THRB: variants seen among roughly 807,000 people sequenced by gnomAD.
THRB encodes the protein nuclear receptor subfamily 1 group A member 2.
Under a neutral mutation model 47.8 loss-of-function variants are expected in THRB, and 12 were observed. That is an observed-to-expected ratio of 0.25 (90% CI 0.16 to 0.41). The LOEUF (loss-of-function observed/expected upper bound fraction) is 0.41, where lower values mean the gene tolerates loss of function less well. Among genes scored for constraint, THRB ranks in the 10% least tolerant of loss-of-function variants. The pLI is 1.00. For missense variants in THRB, 348 were observed against 589.2 expected (o/e 0.59, Z 4.24); for synonymous variants, 218 against 212.2 (o/e 1.03, Z -0.24).
At chr3:24,280,436 T>G (rs1379817977) in intron 3 of THRB, among the ~76,000 whole-genome samples, 1 of 152,078 alleles carries the variant, frequency 6.6e-6, no homozygotes, top group African/African-American at 2.4e-5. Context: ...AACCCATCTG[T>G]ACATCACCAT....
intron 1 of THRB, among the ~76,000 whole-genome samples, chr3:24,428,959 A>G (rs1358505953): frequency 1.3e-5 from 2 of 151,788 alleles, no homozygotes; most frequent in Non-Finnish European, 2.9e-5. Context: ...CTTCAGAAAT[A>G]ATGGGAAAAA....
chr3:24,284,719 TCAAA>T (rs1394751879), intron 3 of THRB, among the ~76,000 whole-genome samples: 1 of 149,062 alleles, frequency 6.7e-6, no homozygotes, highest in Non-Finnish European at 1.5e-5. Context: ...TACAATGAAC[TCAAA>T]CAGATTTACA....
At chr3:24,263,654 C>T (rs777876594) in intron 3 of THRB, among the ~76,000 whole-genome samples, 3 of 149,730 alleles carry the variant, frequency 2.0e-5, no homozygotes, top group African/African-American at 4.9e-5. Flanking sequence ...TCCATACCAG[C>T]ACCATGGCCT....
intron 2 of THRB, among the ~76,000 whole-genome samples, chr3:24,323,725 CATA>C (rs1357806725): frequency 6.6e-6 from 1 of 152,174 alleles, no homozygotes; most frequent in Non-Finnish European, 1.5e-5. Context: ...CTCCAGAAGT[CATA>C]ATACCAGTTG....
intron 4 of THRB, among the ~76,000 whole-genome samples, chr3:24,210,079 T>C (rs1398359967): frequency 6.6e-6 from 1 of 152,232 alleles, no homozygotes; most frequent in African/African-American, 2.4e-5. Flanking sequence ...TTGTATATTT[T>C]CATTGTTATA....
At chr3:24,301,389 CTG>C (rs1208840037) in intron 2 of THRB, among the ~76,000 whole-genome samples, 1 of 152,188 alleles carries the variant, frequency 6.6e-6, no homozygotes, top group South Asian at 2.1e-4. Context: ...ATGTGCTTTT[CTG>C]TGAGTTAACT....
chr3:24,454,832 C>A (rs2073012170), intron 1 of THRB, among the ~76,000 whole-genome samples: 1 of 152,130 alleles, frequency 6.6e-6, no homozygotes. Context: ...AGAAAACATA[C>A]TCGGAAAGAA....
intron 3 of THRB, among the ~76,000 whole-genome samples, chr3:24,233,821 T>A (rs1303110934): frequency 1.3e-5 from 2 of 152,194 alleles, no homozygotes; most frequent in Non-Finnish European, 2.9e-5. Context: ...TGCAGGCATG[T>A]TCAGTGGACA....
chr3:24,439,955 T>G (rs2071369798), intron 1 of THRB, among the ~76,000 whole-genome samples: 1 of 152,152 alleles, frequency 6.6e-6, no homozygotes, highest in Admixed American at 6.5e-5. Context: ...CCCACATAGA[T>G]CAAAGGAGGA....
chr3:24,410,809 A>G (rs1052623089), intron 1 of THRB, among the ~76,000 whole-genome samples: 3 of 151,922 alleles, frequency 2.0e-5, no homozygotes, highest in Non-Finnish European at 2.9e-5. Context: ...CTATTTGTTA[A>G]TTCACAACAA....
At chr3:24,130,971 T>C (rs1255212960) in intron 9 of THRB, among the ~76,000 whole-genome samples, 1 of 152,244 alleles carries the variant, frequency 6.6e-6, no homozygotes, top group African/African-American at 2.4e-5. Context: ...ATGTAAACGC[T>C]ATGTCCTCCC....
intron 3 of THRB, among the ~76,000 whole-genome samples, chr3:24,265,172 G>C (rs2052522360): frequency 6.6e-6 from 1 of 152,060 alleles, no homozygotes; most frequent in Admixed American, 6.6e-5. Context: ...CTACTTGGGG[G>C]ACAGAAAGAA....
chr3:24,152,343 G>A, intron 6 of THRB, 47 bp downstream of exon 6: 1 of 987,076 alleles, frequency 1.0e-6, no homozygotes, highest in Non-Finnish European at 1.6e-6. Context: ...ACTGGGAGGG[G>A]ACTGGAGCTG....
chr3:24,357,373 A>AC (rs2063755964), intron 1 of THRB, among the ~76,000 whole-genome samples: 1 of 140,386 alleles, frequency 7.1e-6, no homozygotes, highest in African/African-American at 2.9e-5. Context: ...AAAAAAAAAA[A>AC]ACAAAAAACA....
chr3:24,188,858 A>AATATATATATATATATATATAT lies in THRB; in HGVS notation c.283+1194_283+1215dup, dbSNP rs34740399. Among the ~76,000 whole-genome samples, 866 of 93,920 alleles carry AATATATATATATATATATATAT rather than the reference A, an allele frequency of 9.2e-3. 54 individuals are homozygous for AATATATATATATATATATATAT. The highest frequency in any genetic ancestry group is 0.021 in the African/African-American group (337 of 16,100). The allele number at this position is 93,920 out of a possible 152,430, so 61.6% of individuals were successfully genotyped here. ...CCTTTCAATTTCTCAGATCTCCTCAAATATATATATATATATATATATATA... is the reference window on the plus strand; with the variant it reads ...CCTTTCAATTTCTCAGATCTCCTCAAATATATATATATATATATATATATATATATATATATATATATATATA... On this transcript the variant is annotated intron_variant, in intron 5 of 10. Coordinates refer to ENST00000646209, the MANE Select transcript of THRB (RefSeq NM_001354712.2).
chr3:24,166,411 T>C (rs1397973081), intron 5 of THRB, among the ~76,000 whole-genome samples: 1 of 152,188 alleles, frequency 6.6e-6, no homozygotes, highest in Non-Finnish European at 1.5e-5. Flanking sequence ...CTTTTGAGAT[T>C]ATTTTCAAGA....
At chr3:24,213,149 T>G (rs979848572) in intron 4 of THRB, among the ~76,000 whole-genome samples, 2 of 152,112 alleles carry the variant, frequency 1.3e-5, no homozygotes, top group Non-Finnish European at 2.9e-5. Flanking sequence ...GAAAACTGAT[T>G]AGGAAGTGTG....
At chr3:24,326,606 T>C (rs2061606974) in intron 2 of THRB, among the ~76,000 whole-genome samples, 1 of 152,080 alleles carries the variant, frequency 6.6e-6, no homozygotes, top group Non-Finnish European at 1.5e-5. Context: ...GTGTTTTGCA[T>C]AGAGAAAAGC....
At chr3:24,406,582 G>T (rs2067845131) in intron 1 of THRB, among the ~76,000 whole-genome samples, 1 of 149,148 alleles carries the variant, frequency 6.7e-6, no homozygotes, top group Admixed American at 6.8e-5. Context: ...ATAAGGGTTT[G>T]GTATCATCTT....
Sources: allele counts gnomAD v4.1 joint callset (sites outside exome capture counted in the v4.1 genomes callset), GRCh38; gene constraint gnomAD v4.1.1; transcripts MANE v1.5; gene names NCBI Gene and HGNC (gene_info 2026-07-23, HGNC 2026-07-21).